MCM10: variants seen among roughly 807,000 people sequenced by gnomAD.
The protein encoded by MCM10 is minichromosome maintenance 10 replication initiation factor.
MCM10 carries 91 observed loss-of-function variants against 109.9 expected under a neutral mutation model. That is an observed-to-expected ratio of 0.83 (90% confidence interval 0.70 to 0.99). MCM10 has a LOEUF of 0.99. Ranked by LOEUF, MCM10 falls within the 50% of genes least tolerant of loss-of-function variation. The pLI is 0.00. For synonymous variants in MCM10, 380 were observed against 387.2 expected, an observed-to-expected ratio of 0.98 and a Z score of 0.22; for missense variants, 1,077 against 1,061.2, an observed-to-expected ratio of 1.01 and a Z score of -0.21.
At chr10:13,201,067 C>A (rs1437946500) in intron 16 of MCM10, among the ~76,000 whole-genome samples, 1 of 152,144 alleles carries the variant, frequency 6.6e-6, no homozygotes, top group African/African-American at 2.4e-5. Flanking sequence ...ATCACTTGAA[C>A]CCAGGAGGTA....
In MCM10 at chr10:13,197,677, C is replaced by T. The variant is rs763838378; in HGVS notation, c.2029C>T (p.Pro677Ser). The T allele has an allele frequency of 1.2e-6, 2 of 1,613,944 alleles. No individual in the cohort carries two copies. Among genetic ancestry groups the T allele is most frequent in the African/African-American group, 2.7e-5 (2 of 75,000 alleles). Reference protein sequence around the residue: ...AKGQVLTKTNPNSIKKKQKDP... With the variant: ...AKGQVLTKTNSNSIKKKQKDP... Reference sequence around the variant, plus strand: ...AGGCCAGGTTCTTACAAAAACAAACCCAAACAGCATTAAGAAGAAACAAAA... The same window carrying T: ...AGGCCAGGTTCTTACAAAAACAAACTCAAACAGCATTAAGAAGAAACAAAA... Residue 677 changes from proline (P) to serine (S), a missense_variant, in exon 15 of 20, where the codon CCA (proline) becomes TCA (serine). Pro to Ser is a moderately conservative substitution (Grantham distance 74, BLOSUM62 -1). Transcript: ENST00000378714.
At chr10:13,207,204 G>A (rs757204038) in intron 18 of MCM10, among the ~76,000 whole-genome samples, 6 of 152,136 alleles carry the variant, frequency 3.9e-5, no homozygotes, top group South Asian at 2.1e-4. Flanking sequence ...ACAACCACAC[G>A]GCTCTGCTGG....
chr10:13,205,867 G>C (rs1447497823), intron 18 of MCM10, among the ~76,000 whole-genome samples: 1 of 152,174 alleles, frequency 6.6e-6, no homozygotes, highest in Non-Finnish European at 1.5e-5. Context: ...GGCAACATCA[G>C]ATACGGAGGC....
At chr10:13,162,727 C>T (rs2131549591) in intron 1 of MCM10, among the ~76,000 whole-genome samples, 1 of 152,224 alleles carries the variant, frequency 6.6e-6, no homozygotes, top group South Asian at 2.1e-4. Context: ...AATAGGTTCC[C>T]CAGTAGATAG....
intron 6 of MCM10, among the ~76,000 whole-genome samples, chr10:13,176,682 A>C (rs1170377443): frequency 6.6e-6 from 1 of 152,218 alleles, no homozygotes; most frequent in Non-Finnish European, 1.5e-5. Context: ...GGATTGCTTG[A>C]AGTCAGGAGC....
intron 7 of MCM10, among the ~76,000 whole-genome samples, chr10:13,181,270 A>G (rs927367441): frequency 1.3e-5 from 2 of 152,106 alleles, no homozygotes; most frequent in African/African-American, 2.4e-5. Flanking sequence ...AATCTCTCCT[A>G]TCTCTAAAAT....
At chr10:13,203,324 G>A (rs1197905439) in intron 17 of MCM10, among the ~76,000 whole-genome samples, 1 of 152,136 alleles carries the variant, frequency 6.6e-6, no homozygotes, top group African/African-American at 2.4e-5. Flanking sequence ...GCCAGCGGCA[G>A]CAGGTTGAGC....
At chr10:13,197,574 C>G (rs777701189) in intron 14 of MCM10, 49 bp from the exon 15 acceptor site, 3 of 1,564,158 alleles carry the variant, frequency 1.9e-6, no homozygotes, top group Admixed American at 1.9e-5. Context: ...CTATAAGTGC[C>G]TCTGTCATCT....
intron 10 of MCM10, 90 bp downstream of exon 10, chr10:13,189,170 A>T (rs563374688): frequency 2.2e-6 from 3 of 1,345,202 alleles, no homozygotes; most frequent in Non-Finnish European, 2.1e-6. Context: ...CCGTCATAGG[A>T]TACTTGTACA....
chr10:13,170,339 C>T (rs889501798), intron 2 of MCM10, among the ~76,000 whole-genome samples: 2 of 151,240 alleles, frequency 1.3e-5, no homozygotes, highest in Non-Finnish European at 2.9e-5. Context: ...GTGATGGGAT[C>T]TTAGTATTTT....
chr10:13,195,573 T>G (rs1834406570), intron 14 of MCM10: 1 of 160,002 alleles, frequency 6.2e-6, no homozygotes, highest in African/African-American at 2.5e-5. Flanking sequence ...TAAGGAATCC[T>G]TTTTTTACGT....
In MCM10 at chr10:13,180,528, C is replaced by T. The variant is rs868081860; in HGVS notation, c.851C>T (p.Ala284Val). 1 of 1,613,812 alleles carries T rather than the reference C, an allele frequency of 6.2e-7. No individual in the cohort carries two copies. The highest frequency in any genetic ancestry group is 1.3e-5 in the African/African-American group (1 of 74,840). Residue 284 changes from alanine to valine, a missense_variant, in exon 7 of 20, where the codon GCC (alanine) becomes GTC (valine). Transcript: ENST00000378714. ...CTGTCTCAGATCAAGGAAAAGATGG[C>T]CAGAGAGAAGCTGGAAGAAATAGAT... The part of the protein sequence containing the change: ...IRLSQIKEKM[A>V]REKLEEIDWV...
At position 13,182,242 on chromosome 10, in the gene MCM10, G is replaced by A. The variant is rs1350833264; in HGVS notation, c.931-691G>A. 6.6e-6 allele frequency among the ~76,000 whole-genome samples: 1 copy of A among 152,092 alleles called. No individual in the cohort carries two copies. The highest frequency in any genetic ancestry group is 1.5e-5 in the Non-Finnish European group (1 of 68,010). ...TAACCCTAACGCTTTGAGAGGATGGGGTGGGAGGATCACTTGAGCCCAGGA... is the reference window on the plus strand; with the variant it reads ...TAACCCTAACGCTTTGAGAGGATGGAGTGGGAGGATCACTTGAGCCCAGGA... On this transcript the variant is annotated intron_variant, in intron 7 of 19. Transcript: ENST00000378714. The surrounding 1 kb of genome is among the most constrained non-coding windows in gnomAD (Gnocchi z 4.2).
intron 2 of MCM10, among the ~76,000 whole-genome samples, chr10:13,164,612 C>T (rs1398122515): frequency 6.6e-6 from 1 of 152,228 alleles, no homozygotes; most frequent in East Asian, 1.9e-4. Context: ...TCAGAGTTTA[C>T]ATTTGATAAT....
At chr10:13,167,007 T>G (rs1015817546) in intron 2 of MCM10, among the ~76,000 whole-genome samples, 1 of 151,810 alleles carries the variant, frequency 6.6e-6, no homozygotes, top group Non-Finnish European at 1.5e-5. Context: ...GGCATGGTGG[T>G]GTGCACCTCT....
intron 6 of MCM10, 137 bp downstream of exon 6, chr10:13,175,818 G>C (rs774128493): frequency 2.8e-5 from 17 of 612,552 alleles, no homozygotes; most frequent in Admixed American, 2.4e-4. Flanking sequence ...AACACCACTG[G>C]AAGACTAGCA....
At position 13,186,177 on chromosome 10, in the gene MCM10, T is replaced by G. The variant is rs374749777; in HGVS notation, c.1112T>G (p.Ile371Ser). ...KDGSEEVCLS[I>S]DHPQKVLIMG... ...CTTTTCTTACAGGTGTGTTTATCTA[T>G]CGATCATCCTCAGAAGGTCTTAATT... Residue 371 changes from isoleucine (I) to serine (S), a missense_variant, in exon 9 of 20, where the codon ATC (isoleucine) becomes AGC (serine). Ile to Ser is a moderately radical substitution (Grantham distance 142). Coordinates refer to ENST00000378714, the MANE Select transcript of MCM10 (RefSeq NM_018518.5). The G allele has an allele frequency of 5.0e-6, 8 of 1,608,932 alleles. No individual in the cohort carries two copies. Among genetic ancestry groups the G allele is most frequent in the Non-Finnish European group, 6.8e-6 (8 of 1,175,754 alleles).
intron 17 of MCM10, among the ~76,000 whole-genome samples, chr10:13,202,091 G>T (rs900739659): frequency 6.6e-6 from 1 of 152,210 alleles, no homozygotes; most frequent in Non-Finnish European, 1.5e-5. Context: ...GGGTGTGATG[G>T]CTCATGCCTG....
At chr10:13,169,099 G>T (rs1385365335) in intron 2 of MCM10, among the ~76,000 whole-genome samples, 3 of 152,192 alleles carry the variant, frequency 2.0e-5, no homozygotes, top group African/African-American at 4.8e-5. Flanking sequence ...ACAATATGGC[G>T]CTGGCCAGGT....
Sources: gnomAD v4.1 joint callset for allele counts (sites outside exome capture counted in the v4.1 genomes callset) on GRCh38, gnomAD v4.1.1 for gene constraint, Gnocchi (gnomAD v3.1) non-coding constraint, MANE v1.5 for transcripts, NCBI Gene and HGNC (gene_info 2026-07-23, HGNC 2026-07-21) for gene names.